The following VPS13B variants were observed in gnomAD, a reference collection of about 807,000 sequenced individuals.
VPS13B encodes the protein intermembrane lipid transfer protein VPS13B.
In VPS13B, 285 loss-of-function variants were observed where a neutral mutation model predicts 426.4. That is an observed-to-expected ratio of 0.67 (90% CI 0.61 to 0.74). The LOEUF (loss-of-function observed/expected upper bound fraction) is 0.74, where lower values mean the gene tolerates loss of function less well. Ranked by LOEUF, VPS13B falls within the 30% of genes least tolerant of loss-of-function variation. VPS13B has a pLI of 0.00. For synonymous variants in VPS13B, 1,676 were observed against 1,676.4 expected (o/e 1.00, Z 0.01); for missense variants, 4,537 against 4,782.6 (o/e 0.95, Z 1.51).
At chr8:99,381,706 T>C (rs1283021727) in intron 19 of VPS13B, among the ~76,000 whole-genome samples, 2 of 152,192 alleles carry the variant, frequency 1.3e-5, no homozygotes, top group African/African-American at 2.4e-5. Context: ...TATATCTTCT[T>C]TTGAAAATTG....
intron 33 of VPS13B, among the ~76,000 whole-genome samples, chr8:99,640,268 A>C (rs1829304119): frequency 6.6e-6 from 1 of 151,406 alleles, no homozygotes; most frequent in Non-Finnish European, 1.5e-5. Flanking sequence ...ACTTTTTAAA[A>C]ATATTTTTGT....
chr8:99,405,951 T>C (rs963981537), intron 21 of VPS13B, among the ~76,000 whole-genome samples: 10 of 152,170 alleles, frequency 6.6e-5, no homozygotes, highest in African/African-American at 2.4e-4. Context: ...AGTTAATTTT[T>C]GTATTTTTAG....
chr8:99,819,477 C>T lies in VPS13B; in HGVS notation c.8687C>T (p.Thr2896Ile), dbSNP rs1015435561. Residue 2896 changes from threonine to isoleucine, a missense_variant, in exon 48 of 62, where the codon ACT becomes ATT. Physicochemically the swap from Thr to Ile is moderately conservative, Grantham distance 89. Around this residue, in one of 2 missense-constraint regions of VPS13B, gnomAD observed 4,311 missense variants for 4,474.3 expected, o/e 0.96. Coordinates refer to ENST00000357162, the MANE Select transcript of VPS13B (RefSeq NM_152564.5). Reference sequence around the variant, plus strand: ...ACATCCCTCATTAAGCAAATAGCCACTAAGGTACACCCTGGAGGCACAGTT... The same window carrying T: ...ACATCCCTCATTAAGCAAATAGCCATTAAGGTACACCCTGGAGGCACAGTT... ...ISTSLIKQIATKVHPGGTVNQ... is the reference protein window; with the variant it reads ...ISTSLIKQIAIKVHPGGTVNQ... The T allele has an allele frequency of 1.9e-6, 3 of 1,613,770 alleles. No individual in the cohort carries two copies. Among genetic ancestry groups the T allele is most frequent in the African/African-American group, 2.7e-5 (2 of 74,900 alleles).
At chr8:99,794,516 A>G (rs1812710192) in intron 43 of VPS13B, among the ~76,000 whole-genome samples, 1 of 152,234 alleles carries the variant, frequency 6.6e-6, no homozygotes, top group African/African-American at 2.4e-5. Flanking sequence ...ACTCCTGCTT[A>G]GAAATAGCTC....
intron 30 of VPS13B, among the ~76,000 whole-genome samples, chr8:99,528,923 C>T (rs1407507503): frequency 2.0e-5 from 3 of 151,668 alleles, no homozygotes; most frequent in Non-Finnish European, 4.4e-5. Context: ...CTGTTTATAT[C>T]CTGTTTTTTA....
At chr8:99,447,709 T>A (rs1297770512) in intron 23 of VPS13B, among the ~76,000 whole-genome samples, 1 of 152,168 alleles carries the variant, frequency 6.6e-6, no homozygotes, top group East Asian at 1.9e-4. Flanking sequence ...TGTGTATATG[T>A]GTAAAACATT....
intron 23 of VPS13B, among the ~76,000 whole-genome samples, chr8:99,455,873 T>C (rs1487419666): frequency 1.3e-5 from 2 of 152,240 alleles, no homozygotes; most frequent in East Asian, 3.8e-4. Context: ...CCAGTTGATA[T>C]GTACTTCTAC....
At chr8:99,440,727 A>C (rs1563731613) in intron 22 of VPS13B, among the ~76,000 whole-genome samples, 1 of 152,078 alleles carries the variant, frequency 6.6e-6, no homozygotes, top group Non-Finnish European at 1.5e-5. Context: ...TAGTGAAATT[A>C]ATGTTTTTGA....
chr8:99,861,848 A>G lies in VPS13B; in HGVS notation c.11117A>G (p.Glu3706Gly). ...RNMDRLSLDE[E>G]HYNRQEEWRR... ...ATGGACCGGCTCTCACTGGATGAGGAGCACTACAACCGGCAGGAGGAGTGG... is the reference window on the plus strand; with the variant it reads ...ATGGACCGGCTCTCACTGGATGAGGGGCACTACAACCGGCAGGAGGAGTGG... The change falls in exon 58 of 62, where the codon GAG (glutamate) becomes GGG (glycine). Residue 3706 changes from glutamate to glycine, a missense_variant. By Grantham distance (98) the Glu-to-Gly change is moderately conservative. Around this residue, in one of 2 missense-constraint regions of VPS13B, gnomAD observed 4,311 missense variants for 4,474.3 expected, o/e 0.96. Coordinates refer to ENST00000357162, the MANE Select transcript of VPS13B (RefSeq NM_152564.5). 6.2e-7 allele frequency: 1 copy of G among 1,601,308 alleles called. No individual in the cohort carries two copies. The highest frequency in any genetic ancestry group is 8.5e-7 in the Non-Finnish European group (1 of 1,174,510).
intron 19 of VPS13B, among the ~76,000 whole-genome samples, chr8:99,328,042 A>G (rs559053014): frequency 1.3e-5 from 2 of 152,350 alleles, no homozygotes; most frequent in East Asian, 3.9e-4. Flanking sequence ...ATTAGGAACC[A>G]GGCTGCATAG....
chr8:99,299,078 T>TTTTA (rs1820206423), intron 19 of VPS13B, among the ~76,000 whole-genome samples: 1 of 92,218 alleles, frequency 1.1e-5, no homozygotes, highest in African/African-American at 4.4e-5. Context: ...TTTTTTTTTT[T>TTTTA]GAGACAGAGT....
At chr8:99,718,655 ATTTTTTTC>A (rs1250884875) in intron 37 of VPS13B, among the ~76,000 whole-genome samples, 1 of 151,254 alleles carries the variant, frequency 6.6e-6, no homozygotes, top group East Asian at 1.9e-4. Context: ...TTAAATGTGA[ATTTTTTTC>A]TTTTTTTCTT....
intron 31 of VPS13B, among the ~76,000 whole-genome samples, chr8:99,568,635 C>T (rs1314009210): frequency 6.6e-6 from 1 of 151,900 alleles, no homozygotes; most frequent in Non-Finnish European, 1.5e-5. Context: ...AATTATTTAT[C>T]TTTATGCCTC....
chr8:99,230,431 T>A (rs551122452), intron 17 of VPS13B, among the ~76,000 whole-genome samples: 3 of 152,192 alleles, frequency 2.0e-5, no homozygotes, highest in Non-Finnish European at 4.4e-5. Context: ...CCTCCTCCCA[T>A]AGGAAATTTT....
intron 22 of VPS13B, among the ~76,000 whole-genome samples, chr8:99,440,725 T>A (rs1817640289): frequency 6.6e-6 from 1 of 152,090 alleles, no homozygotes; most frequent in Non-Finnish European, 1.5e-5. Flanking sequence ...ATTAGTGAAA[T>A]TAATGTTTTT....
At chr8:99,413,525 G>A (rs1398402569) in intron 21 of VPS13B, among the ~76,000 whole-genome samples, 3 of 151,884 alleles carry the variant, frequency 2.0e-5, no homozygotes, top group Admixed American at 6.6e-5. Flanking sequence ...GTGATGTTAG[G>A]ATATTTATTT....
chr8:99,758,487 T>C (rs1237179300), intron 39 of VPS13B, among the ~76,000 whole-genome samples: 1 of 152,176 alleles, frequency 6.6e-6, no homozygotes, highest in East Asian at 1.9e-4. Context: ...GAACGTAGAA[T>C]AAAAGACTGT....
chr8:99,453,120 G>GA (rs1482956071), intron 23 of VPS13B, among the ~76,000 whole-genome samples: 2 of 152,184 alleles, frequency 1.3e-5, no homozygotes, highest in Non-Finnish European at 2.9e-5. Flanking sequence ...AAACTGATGT[G>GA]AAAATTATTT....
intron 2 of VPS13B, among the ~76,000 whole-genome samples, chr8:99,016,144 A>G (rs1388651311): frequency 6.6e-6 from 1 of 152,196 alleles, no homozygotes; most frequent in Non-Finnish European, 1.5e-5. Context: ...CTGTTGATGG[A>G]CACTTGGGTT....
Sources: gnomAD v4.1 joint callset for allele counts (sites outside exome capture counted in the v4.1 genomes callset) on GRCh38, gnomAD v4.1.1 for gene constraint, gnomAD v4.1.1 regional missense constraint, MANE v1.5 for transcripts, NCBI Gene and HGNC (gene_info 2026-07-23, HGNC 2026-07-21) for gene names.